The following PLCL2 variants were observed in gnomAD, a reference collection of about 807,000 sequenced individuals.
PLCL2 encodes phospholipase C like 2.
A neutral mutation model predicts 79.6 loss-of-function variants in PLCL2; 4 were observed. The observed-to-expected ratio is 0.05, with a 90% CI of 0.02 to 0.11. PLCL2 has a LOEUF of 0.11. Ranked by LOEUF, PLCL2 falls within the 10% of genes least tolerant of loss-of-function variation. PLCL2 has a pLI of 1.00. For synonymous variants in PLCL2, 484 were observed against 457.7 expected (o/e 1.06, Z -0.73); for missense variants, 895 against 1,291.0 (o/e 0.69, Z 4.70).
At chr3:16,935,761 C>T (rs1052231531) in intron 1 of PLCL2, among the ~76,000 whole-genome samples, 5 of 152,010 alleles carry the variant, frequency 3.3e-5, no homozygotes, top group African/African-American at 1.2e-4. Flanking sequence ...AATACTTATA[C>T]CTGGGCAACA....
At chr3:16,929,364 T>A (rs148972136) in intron 1 of PLCL2, among the ~76,000 whole-genome samples, 202 of 152,284 alleles carry the variant, frequency 1.3e-3, no homozygotes, top group African/African-American at 4.7e-3. Flanking sequence ...TTTTAAATCC[T>A]GAAAGGCAAG....
At chr3:17,014,652 A>G (rs1204553085) in intron 2 of PLCL2, 56 bp from the exon 3 acceptor site, 1 of 1,310,222 alleles carries the variant, frequency 7.6e-7, no homozygotes, top group Non-Finnish European at 1.1e-6. Context: ...TATAATATCC[A>G]TGAGAAAGTA....
intron 1 of PLCL2, among the ~76,000 whole-genome samples, chr3:16,996,234 T>C (rs903260399): frequency 6.6e-6 from 1 of 152,080 alleles, no homozygotes; most frequent in Admixed American, 6.5e-5. Context: ...GAAGTAGCCA[T>C]TGTTGCAGGA....
chr3:17,053,364 G>T (rs994171221), intron 4 of PLCL2, among the ~76,000 whole-genome samples: 2 of 152,082 alleles, frequency 1.3e-5, no homozygotes, highest in Non-Finnish European at 2.9e-5. Flanking sequence ...AACTCAAAAG[G>T]GGGGATGGTG....
intron 1 of PLCL2, among the ~76,000 whole-genome samples, chr3:16,916,447 T>C (rs1047221864): frequency 6.6e-6 from 1 of 152,156 alleles, no homozygotes; most frequent in Non-Finnish European, 1.5e-5. Context: ...AATGGTCAGG[T>C]GGGAAGTAGC....
At chr3:16,974,809 G>A (rs749930939) in intron 1 of PLCL2, among the ~76,000 whole-genome samples, 1 of 152,158 alleles carries the variant, frequency 6.6e-6, no homozygotes, top group Non-Finnish European at 1.5e-5. Flanking sequence ...CTAAGATTTA[G>A]TACCTTTGAA....
intron 1 of PLCL2, among the ~76,000 whole-genome samples, chr3:16,924,931 G>T (rs6783769): frequency 0.35 from 52,079 of 148,174 alleles, 9,162 homozygotes; most frequent in East Asian, 0.53. Context: ...AAGTTTGTTT[G>T]TTTTTTTTTT....
In PLCL2 at chr3:17,014,621, A is replaced by G. The variant is rs1340359363; in HGVS notation, c.2815-87A>G. On this transcript the variant is annotated intron_variant, in intron 2 of 5. Transcript: ENST00000615277. ...AATAACTTTTGTACCAGGTGGTTCA[A>G]GCATAATCAGATATATCAAATATAA... 4.8e-6 allele frequency: 5 copies of G among 1,045,378 alleles called. No homozygotes were observed. The Admixed American group carries it at 8.9e-5, about 19-fold the overall frequency. 64.8% of individuals were successfully genotyped at this position (1,045,378 alleles called of 1,614,324 possible). A position where few individuals can be genotyped will look rare whatever the true frequency, so the allele number is the denominator to read the frequency against.
chr3:16,972,363 G>C (rs2063880196), intron 1 of PLCL2, among the ~76,000 whole-genome samples: 1 of 152,082 alleles, frequency 6.6e-6, no homozygotes, highest in Non-Finnish European at 1.5e-5. Flanking sequence ...GAGTGTGGTT[G>C]GTATGATTTT....
intron 1 of PLCL2, among the ~76,000 whole-genome samples, chr3:16,988,533 C>G (rs984461875): frequency 6.6e-6 from 1 of 152,060 alleles, no homozygotes; most frequent in Admixed American, 6.6e-5. Context: ...TCTGGGTAGT[C>G]TTTTCAGTGG....
At chr3:16,948,957 A>C (rs562695231) in intron 1 of PLCL2, among the ~76,000 whole-genome samples, 10 of 152,354 alleles carry the variant, frequency 6.6e-5, no homozygotes, top group Non-Finnish European at 1.3e-4. Context: ...ATAGTTTGCC[A>C]TAAGCCATAA....
intron 1 of PLCL2, among the ~76,000 whole-genome samples, chr3:16,901,649 C>T (rs1696621752): frequency 6.6e-6 from 1 of 152,216 alleles, no homozygotes; most frequent in Non-Finnish European, 1.5e-5. Context: ...CTCTGGATCG[C>T]ATCCTCTCCC....
intron 1 of PLCL2, among the ~76,000 whole-genome samples, chr3:16,952,432 C>G (rs2063663804): frequency 9.2e-6 from 1 of 108,510 alleles, no homozygotes; most frequent in African/African-American, 3.5e-5. Flanking sequence ...ACCTGTTTAA[C>G]TCAAGGAAAT....
At chr3:16,934,111 G>C (rs985278029) in intron 1 of PLCL2, among the ~76,000 whole-genome samples, 1 of 152,122 alleles carries the variant, frequency 6.6e-6, no homozygotes, top group African/African-American at 2.4e-5. Context: ...AAGGAAAGGA[G>C]CCCTAGATAT....
intron 5 of PLCL2, among the ~76,000 whole-genome samples, chr3:17,073,695 C>G (rs1037034021): frequency 6.6e-6 from 1 of 152,212 alleles, no homozygotes; most frequent in Admixed American, 6.5e-5. Flanking sequence ...AATATTCTAA[C>G]TCCTTTGCTG....
chr3:16,954,714 C>T (rs1575550054), intron 1 of PLCL2, among the ~76,000 whole-genome samples: 1 of 152,126 alleles, frequency 6.6e-6, no homozygotes, highest in East Asian at 1.9e-4. Flanking sequence ...TTAATGATTG[C>T]CATTCTAACT....
chr3:17,043,143 T>A (rs1275063475), intron 4 of PLCL2, among the ~76,000 whole-genome samples, 194 bp downstream of exon 4: 1 of 152,194 alleles, frequency 6.6e-6, no homozygotes, highest in Non-Finnish European at 1.5e-5. Flanking sequence ...CCATTCAAAA[T>A]ACATTAACAT....
At position 17,071,410 on chromosome 3, in the gene PLCL2, T is replaced by TATTA. The variant is rs138690904; in HGVS notation, c.3204+3347_3204+3350dup. On this transcript the variant is annotated intron_variant, in intron 5 of 5. Coordinates refer to ENST00000615277, the MANE Select transcript of PLCL2 (RefSeq NM_001144382.2). The stretch of plus-strand genomic sequence containing the variant: ...AACTGCCACACCCAGAATTATCTAC[T>TATTA]ATTAACATCTTGGCATACTTACTTC... 7.5e-3 allele frequency among the ~76,000 whole-genome samples: 1,139 copies of TATTA among 152,292 alleles called. 19 individuals are homozygous for TATTA. Among genetic ancestry groups the TATTA allele is most frequent in the African/African-American group, 0.026 (1,088 of 41,552 alleles).
At chr3:16,926,913 G>A (rs1697268324) in intron 1 of PLCL2, among the ~76,000 whole-genome samples, 1 of 152,074 alleles carries the variant, frequency 6.6e-6, no homozygotes, top group Non-Finnish European at 1.5e-5. Flanking sequence ...ACAGATGTAA[G>A]CCACCGCGCC....
Sources: gnomAD v4.1 joint callset for allele counts (sites outside exome capture counted in the v4.1 genomes callset) on GRCh38, gnomAD v4.1.1 for gene constraint, MANE v1.5 for transcripts, NCBI Gene and HGNC (gene_info 2026-07-23, HGNC 2026-07-21) for gene names.